Variants in NXF3 observed in about 807,000 individuals in gnomAD.
NXF3 encodes nuclear RNA export factor 3, also known as TAP-like protein 3.
NXF3 carries 34 observed loss-of-function variants against 48.4 expected under a neutral mutation model. The observed-to-expected ratio is 0.70, with a 90% CI of 0.53 to 0.93. The LOEUF is 0.93. Among genes scored for constraint, NXF3 ranks in the 40% least tolerant of loss-of-function variants. NXF3 has a pLI of 0.00. For missense variants in NXF3, 359 were observed against 406.1 expected (o/e 0.88, Z 1.00); for synonymous variants, 132 against 145.7 (o/e 0.91, Z 0.68).
At chrX:103,089,278 A>C (rs1922222808) in intron 1 of NXF3, 1 of 477,567 alleles carries the variant, frequency 2.1e-6, no homozygotes, top group South Asian at 3.1e-5. Flanking sequence ...TCGGTTATGT[A>C]AACTGTCACA....
rs1479083722 is a variant in NXF3 at position 103,084,383 on chromosome X, T to C, written c.310A>G (p.Asn104Asp). The stretch of plus-strand genomic sequence containing the variant: ...CTCCCTAAGGTCCCATCCGGCATGT[T>C]CCCCTCCATTCTTCTCTCTGGAGGT... ...QKPPERRMEG[N>D]MPDGTLGSWF... Residue 104 changes from asparagine (N) to aspartate (D), a missense_variant, in exon 3 of 20, where the codon AAC (asparagine) becomes GAC (aspartate). Coordinates refer to ENST00000395065, the MANE Select transcript of NXF3 (RefSeq NM_022052.2). 1.7e-6 allele frequency: 2 copies of C among 1,209,875 alleles called. No homozygotes were observed. Among genetic ancestry groups the C allele is most frequent in the Non-Finnish European group, 2.2e-6 (2 of 895,265 alleles).
rs771705010 is a variant in NXF3, at chrX:103,082,438, C to T, written c.781-74G>A. On this transcript the variant is annotated intron_variant, in intron 8 of 19. Coordinates refer to ENST00000395065, the MANE Select transcript of NXF3 (RefSeq NM_022052.2). ...GGGCCCTGCACCCTCAGTCTCCTCCCTTGCCAACAAATCCACTTCCTTGCC... is the reference window on the plus strand; with the variant it reads ...GGGCCCTGCACCCTCAGTCTCCTCCTTTGCCAACAAATCCACTTCCTTGCC... 2.3e-5 allele frequency: 16 copies of T among 685,154 alleles called. No individual in the cohort carries two copies. In the African/African-American group the frequency reaches 2.8e-4, roughly 12 times the overall value. The allele number at this position is 685,154 out of a possible 1,213,427, so 56.5% of individuals were successfully genotyped here.
At chrX:103,078,747 C>G (rs1372840437) in intron 16 of NXF3, 115 bp from the exon 17 acceptor site, 88 of 1,095,023 alleles carry the variant, frequency 8.0e-5, no homozygotes, top group Non-Finnish European at 1.0e-4. Flanking sequence ...CAGACCAGGA[C>G]AGTTGTTCAC....
At chrX:103,088,648 G>A (rs1922209618) in intron 1 of NXF3, 3 of 932,842 alleles carry the variant, frequency 3.2e-6, no homozygotes, top group South Asian at 4.6e-5. Flanking sequence ...AATGTGAGAA[G>A]GTATTTCCTT....
Position 103,082,330 on chromosome X carries a change from C to G in NXF3, c.815G>C (p.Gly272Ala). 1.7e-6 allele frequency: 2 copies of G among 1,208,539 alleles called. No individual in the cohort carries two copies. Among genetic ancestry groups the G allele is most frequent in the Non-Finnish European group, 2.2e-6 (2 of 893,062 alleles). Residue 272 changes from glycine to alanine, a missense_variant, in exon 9 of 20, where the codon GGG (glycine) becomes GCG (alanine). Gly to Ala is a moderately conservative substitution (Grantham distance 60). Transcript: ENST00000395065. ...CGCACACTTCTCTCCTGGCTCTATC[C>G]CTTTCCACTTGTCCATCTCCCCTGC... ...MSAGEMDKWK[G>A]IEPGEKCADR... is the part of the protein sequence containing the mutation.
At chrX:103,089,204 C>A in intron 1 of NXF3, 1 of 650,777 alleles carries the variant, frequency 1.5e-6, no homozygotes, top group Non-Finnish European at 2.5e-6. Context: ...AGGCTCCTCA[C>A]TGGAAGAGAC....
intron 1 of NXF3, among the ~76,000 whole-genome samples, chrX:103,085,424 T>C (rs1393397207): frequency 8.9e-6 from 1 of 111,756 alleles, no homozygotes; most frequent in African/African-American, 3.2e-5. Context: ...CCACCTCTAA[T>C]TGGAGAATAA....
intron 3 of NXF3, 24 bp from the exon 4 acceptor site, chrX:103,083,716 T>C: frequency 9.1e-7 from 1 of 1,104,856 alleles, no homozygotes; most frequent in Non-Finnish European, 1.3e-6. Flanking sequence ...AAAGAATGAG[T>C]GAGGAAAGGA....
intron 3 of NXF3, 95 bp downstream of exon 3, chrX:103,084,247 C>G (rs1293650573): frequency 2.0e-6 from 2 of 990,313 alleles, no homozygotes; most frequent in Non-Finnish European, 2.8e-6. Flanking sequence ...ACATACTTTC[C>G]TGCCCTTACA....
rs926964617 is a variant in NXF3 at position 103,080,817 on chromosome X, C to T, written c.891-205G>A. 12 of 440,396 alleles carry T rather than the reference C, an allele frequency of 2.7e-5. No homozygotes were observed. In the South Asian group the frequency reaches 3.3e-4, roughly 12 times the overall value. The allele number at this position is 440,396 out of a possible 1,213,427, so 36.3% of individuals were successfully genotyped here. A position where few individuals can be genotyped will look rare whatever the true frequency, so the allele number is the denominator to read the frequency against. On this transcript the variant is annotated intron_variant, in intron 9 of 19. Transcript: ENST00000395065. ...CCCTCCATCCCTCTCTCACCTTTGTCCAAGTCCCCACTGAAGGCTCTGCAG... is the reference window on the plus strand; with the variant it reads ...CCCTCCATCCCTCTCTCACCTTTGTTCAAGTCCCCACTGAAGGCTCTGCAG...
chrX:103,084,245 T>C, intron 3 of NXF3, 97 bp downstream of exon 3: 1 of 981,839 alleles, frequency 1.0e-6, no homozygotes, highest in Non-Finnish European at 1.4e-6. Flanking sequence ...TTACATACTT[T>C]CCTGCCCTTA....
Position 103,076,294 on chromosome X carries a change from G to A in NXF3, c.1592C>T (p.Ser531Leu), listed in dbSNP as rs758955368. The A allele has an allele frequency of 2.1e-5, 26 of 1,211,234 alleles. 1 individual carries two copies. In the South Asian group the frequency reaches 3.3e-4, roughly 16 times the overall value. Residue 531 changes from serine (S) to leucine (L), a missense_variant, in exon 19 of 20, where the codon TCG (serine) becomes TTG (leucine). Physicochemically the swap from Ser to Leu is moderately radical, Grantham distance 145 (BLOSUM62 -2). Coordinates refer to ENST00000395065, the MANE Select transcript of NXF3 (RefSeq NM_022052.2). ...CTGACGTAGTCACACTGGTTGTTACGAAGGCAGCTGTGGTGGAGGAAGGAC... is the reference window on the plus strand; with the variant it reads ...CTGACGTAGTCACACTGGTTGTTACAAAGGCAGCTGTGGTGGAGGAAGGAC... ...FSQEQQKMLPS is the reference protein window; with the variant it reads ...FSQEQQKMLPL
In NXF3 at chrX:103,082,308, A is replaced by G. The variant is rs1306593041; in HGVS notation, c.837T>C (p.Cys279=). Reference sequence around the variant, plus strand: ...TCGTGCACACTGGGCTTCTGTCCGCACACTTCTCTCCTGGCTCTATCCCTT... The same window carrying G: ...TCGTGCACACTGGGCTTCTGTCCGCGCACTTCTCTCCTGGCTCTATCCCTT... ...KWKGIEPGEK[C]ADRSPVCTTF... The change falls in exon 9 of 20, where the codon TGT becomes TGC. Residue 279 remains cysteine (C), a synonymous_variant. Coordinates refer to ENST00000395065, the MANE Select transcript of NXF3 (RefSeq NM_022052.2). 1 of 1,210,134 alleles carries G rather than the reference A, an allele frequency of 8.3e-7. No individual in the cohort carries two copies. The highest frequency in any genetic ancestry group is 1.8e-5 in the South Asian group (1 of 56,838).
At chrX:103,086,755 C>T (rs1000356903) in intron 1 of NXF3, among the ~76,000 whole-genome samples, 6 of 109,062 alleles carry the variant, frequency 5.5e-5, no homozygotes, top group African/African-American at 6.7e-5. Flanking sequence ...AAAAATGGCA[C>T]GATTCATACC....
chrX:103,093,031 A>G lies in NXF3; in HGVS notation c.-8T>C. ...TCCTGAAGGCAGTGACATTTTACCA[A>G]TGTCCTTATAGGGCTCTCTTGAGGA... On this transcript the variant is annotated 5_prime_UTR_variant, in exon 1 of 20. Coordinates refer to ENST00000395065, the MANE Select transcript of NXF3 (RefSeq NM_022052.2). 2 of 1,204,625 alleles carry G rather than the reference A, an allele frequency of 1.7e-6. No individual in the cohort carries two copies. The highest frequency in any genetic ancestry group is 1.8e-5 in the South Asian group (1 of 56,486).
intron 1 of NXF3, chrX:103,087,830 G>A: frequency 1.1e-6 from 1 of 925,310 alleles, no homozygotes; most frequent in Non-Finnish European, 1.6e-6. Flanking sequence ...ACATTCAGAA[G>A]ACCTTTTCAA....
chrX:103,080,453 C>T, intron 10 of NXF3, 123 bp downstream of exon 10: 1 of 749,488 alleles, frequency 1.3e-6, no homozygotes, highest in East Asian at 3.2e-5. Context: ...CCTTCCCCCA[C>T]TCCCTTGAGG....
intron 1 of NXF3, chrX:103,087,633 C>T: frequency 5.1e-6 from 5 of 981,429 alleles, no homozygotes; most frequent in Non-Finnish European, 7.3e-6. Flanking sequence ...TGCTCTAAGT[C>T]CGATCCCACA....
chrX:103,084,139 C>T (rs756692006), intron 3 of NXF3, among the ~76,000 whole-genome samples: 4 of 111,121 alleles, frequency 3.6e-5, no homozygotes, highest in East Asian at 5.7e-4. Context: ...CGACCTCTTC[C>T]GCTCTCTCTG....
Sources: gnomAD v4.1 joint callset for allele counts (sites outside exome capture counted in the v4.1 genomes callset) on GRCh38, gnomAD v4.1.1 for gene constraint, MANE v1.5 for transcripts, NCBI Gene and HGNC (gene_info 2026-07-23, HGNC 2026-07-21) for gene names.